Variants in LRRC4C observed in about 807,000 individuals in gnomAD.
LRRC4C encodes the protein leucine rich repeat containing 4C.
Under a neutral mutation model 33.6 loss-of-function variants are expected in LRRC4C, and 5 were observed. The ratio of observed to expected loss-of-function variants is 0.15; its 90% CI spans 0.08 to 0.31. LRRC4C has a LOEUF of 0.31. LRRC4C is among the 10% of genes least tolerant of loss of function. The pLI is 1.00. For missense variants in LRRC4C, 560 were observed against 796.7 expected (o/e 0.70, Z 3.58); for synonymous variants, 329 against 302.0 (o/e 1.09, Z -0.93).
chr11:40,863,837 T>A (rs1251418640), intron 2 of LRRC4C, among the ~76,000 whole-genome samples: 1 of 152,158 alleles, frequency 6.6e-6, no homozygotes, highest in African/African-American at 2.4e-5. Flanking sequence ...TATAATTTGC[T>A]TTCCTTTTTG....
intron 6 of LRRC4C, among the ~76,000 whole-genome samples, chr11:40,127,019 C>G (rs1856293937): frequency 6.6e-6 from 1 of 151,666 alleles, no homozygotes. Flanking sequence ...GTGGCTCACG[C>G]CTATAATCCC....
intron 3 of LRRC4C, among the ~76,000 whole-genome samples, chr11:40,357,299 C>T (rs1016197157): frequency 1.3e-5 from 2 of 152,058 alleles, no homozygotes; most frequent in African/African-American, 4.8e-5. Flanking sequence ...GTTTATAGCT[C>T]TGAGACTGGA....
intron 3 of LRRC4C, among the ~76,000 whole-genome samples, chr11:40,358,715 C>T (rs886173327): frequency 2.6e-5 from 4 of 152,090 alleles, no homozygotes; most frequent in Admixed American, 1.3e-4. Context: ...TGTGCACCTG[C>T]GGAGACTCAC....
chr11:41,111,931 A>AT (rs901635995), intron 1 of LRRC4C, among the ~76,000 whole-genome samples: 8 of 151,866 alleles, frequency 5.3e-5, no homozygotes, highest in East Asian at 1.9e-4. Context: ...GAGAAAATAT[A>AT]TTTTTTTTCA....
intron 2 of LRRC4C, among the ~76,000 whole-genome samples, chr11:40,842,033 T>C (rs1167390964): frequency 2.0e-5 from 3 of 152,236 alleles, no homozygotes; most frequent in Non-Finnish European, 4.4e-5. Context: ...TTAGCCATAA[T>C]GTTTCTTGCA....
chr11:40,439,526 T>C (rs1951296343), intron 3 of LRRC4C, among the ~76,000 whole-genome samples: 1 of 151,298 alleles, frequency 6.6e-6, no homozygotes, highest in African/African-American at 2.4e-5. Flanking sequence ...CAATCTCGGC[T>C]CACTGAAACC....
chr11:41,149,224 G>A (rs986064883), intron 1 of LRRC4C, among the ~76,000 whole-genome samples: 13 of 152,176 alleles, frequency 8.5e-5, no homozygotes, highest in Non-Finnish European at 1.6e-4. Context: ...GAAGGGCTGA[G>A]GCCGGGTGCG....
intron 5 of LRRC4C, among the ~76,000 whole-genome samples, chr11:40,142,322 G>A (rs1005190120): frequency 7.6e-6 from 1 of 132,294 alleles, no homozygotes; most frequent in Non-Finnish European, 1.6e-5. Context: ...TTTATAAAAT[G>A]TTTTCCCAAA....
intron 6 of LRRC4C, among the ~76,000 whole-genome samples, chr11:40,130,523 C>T (rs1856574743): frequency 6.6e-6 from 1 of 152,142 alleles, no homozygotes; most frequent in South Asian, 2.1e-4. Context: ...AATCACAGTG[C>T]AAGAAAGCAT....
chr11:40,384,850 T>G (rs1251842412), intron 3 of LRRC4C, among the ~76,000 whole-genome samples: 1 of 152,220 alleles, frequency 6.6e-6, no homozygotes, highest in African/African-American at 2.4e-5. Flanking sequence ...CATTACCTTC[T>G]AGATTCCTAC....
intron 1 of LRRC4C, among the ~76,000 whole-genome samples, chr11:41,411,142 A>ACTTTTTTTTTTTTTTTTTTTTTT (rs1954463577): frequency 1.7e-5 from 1 of 57,240 alleles, no homozygotes; most frequent in Non-Finnish European, 2.9e-5. Flanking sequence ...TTGGTACCCT[A>ACTTTTTTTTTTTTTTTTTTTTTT]TTTTTTTTTT....
intron 3 of LRRC4C, among the ~76,000 whole-genome samples, chr11:40,400,119 G>A (rs1425064085): frequency 6.6e-6 from 1 of 152,038 alleles, no homozygotes; most frequent in Non-Finnish European, 1.5e-5. Context: ...GTTGAGAGGA[G>A]AAATGTATTT....
chr11:41,413,006 G>T (rs2138236779), intron 1 of LRRC4C, among the ~76,000 whole-genome samples: 1 of 151,430 alleles, frequency 6.6e-6, no homozygotes, highest in Non-Finnish European at 1.5e-5. Context: ...CAAATTTATT[G>T]TTCTGATTGG....
At chr11:40,520,316 C>T (rs942772045) in intron 3 of LRRC4C, among the ~76,000 whole-genome samples, 6 of 152,050 alleles carry the variant, frequency 3.9e-5, no homozygotes, top group Non-Finnish European at 5.9e-5. Flanking sequence ...GGAGGCCTAA[C>T]ATTTGGCCTA....
chr11:40,153,763 T>C (rs538560833), intron 5 of LRRC4C, among the ~76,000 whole-genome samples: 1 of 151,782 alleles, frequency 6.6e-6, no homozygotes, highest in Non-Finnish European at 1.5e-5. Flanking sequence ...AATAAGAAAA[T>C]ATGAATAAAA....
intron 1 of LRRC4C, among the ~76,000 whole-genome samples, chr11:41,293,165 C>G (rs1950038789): frequency 6.6e-6 from 1 of 151,970 alleles, no homozygotes; most frequent in African/African-American, 2.4e-5. Context: ...ATGATGTGAT[C>G]CAAATGTTAT....
chr11:40,685,288 T>C (rs1003294751), intron 2 of LRRC4C, among the ~76,000 whole-genome samples: 2 of 152,044 alleles, frequency 1.3e-5, no homozygotes, highest in African/African-American at 2.4e-5. Context: ...TCCATAAAAC[T>C]TTTTCACTGT....
At chr11:40,948,980 A>G (rs1207889502) in intron 1 of LRRC4C, among the ~76,000 whole-genome samples, 3 of 152,114 alleles carry the variant, frequency 2.0e-5, no homozygotes, top group Non-Finnish European at 4.4e-5. Context: ...TTACAGTCCC[A>G]CCAACAGTGT....
chr11:41,342,681 C>A (rs1387038185), intron 1 of LRRC4C, among the ~76,000 whole-genome samples: 3 of 152,176 alleles, frequency 2.0e-5, no homozygotes, highest in Non-Finnish European at 4.4e-5. Flanking sequence ...TGCCACTGAA[C>A]TCCAGCCTGG....
Sources: gnomAD v4.1 joint callset for allele counts (sites outside exome capture counted in the v4.1 genomes callset) on GRCh38, gnomAD v4.1.1 for gene constraint, MANE v1.5 for transcripts, NCBI Gene and HGNC (gene_info 2026-07-23, HGNC 2026-07-21) for gene names.